Variants in ENTR1 observed in about 807,000 individuals in gnomAD.
ENTR1 encodes the protein endosome-associated-trafficking regulator 1.
In ENTR1, 47 loss-of-function variants were observed where a neutral mutation model predicts 47.9. That is an observed-to-expected ratio of 0.98 (90% CI 0.78 to 1.25). The LOEUF is 1.25. ENTR1 is among the 50% of genes most tolerant of loss of function. The pLI is 0.00. For missense variants in ENTR1, 668 were observed against 570.5 expected (o/e 1.17, Z -1.74); for synonymous variants, 290 against 245.8 (o/e 1.18, Z -1.68).
rs1364943114 is a variant in ENTR1 at position 136,405,411 on chromosome 9, A to G, written c.894-209T>C. The G allele has an allele frequency of 9.2e-6, 5 of 545,772 alleles. No individual in the cohort carries two copies. In the East Asian group the frequency reaches 1.6e-4, roughly 17 times the overall value. The allele number at this position is 545,772 out of a possible 1,614,324, so 33.8% of individuals were successfully genotyped here. On this transcript the variant is annotated intron_variant, in intron 6 of 9. Transcript: ENST00000357365. ...CGGCTCTCACAGCACTGCTGCTCCA[A>G]CAAGGTGTTTGGTGGCTTTTTGCCT...
chr9:136,406,448 AAC>A (rs1834767230), intron 5 of ENTR1, among the ~76,000 whole-genome samples: 2 of 151,480 alleles, frequency 1.3e-5, no homozygotes, highest in African/African-American at 2.4e-5. Flanking sequence ...CAGCATGAGC[AAC>A]AGAGTGAGAC....
chr9:136,405,003 G>A (rs1834694452), intron 7 of ENTR1, 88 bp downstream of exon 7: 5 of 1,040,316 alleles, frequency 4.8e-6, no homozygotes, highest in Non-Finnish European at 7.5e-6. Flanking sequence ...CCCAAGGGCA[G>A]GCTGCACCGG....
Position 136,402,033 on chromosome 9 carries a change from A to G in ENTR1, c.*755T>C, listed in dbSNP as rs563. On this transcript the variant is annotated 3_prime_UTR_variant, in exon 10 of 10. Coordinates refer to ENST00000357365, the MANE Select transcript of ENTR1 (RefSeq NM_001039707.2). ...ATAGTCAAAAAAGCATTTAGTGCTC[A>G]TCGCCGTCCCTCTGAGGGGGGCCGT... 36,405 of 152,620 alleles carry G rather than the reference A, an allele frequency of 0.24. 4,516 individuals are homozygous for G. Among genetic ancestry groups the G allele is most frequent in the Admixed American group, 0.28 (4,298 of 15,302 alleles). The allele number at this position is 152,620 out of a possible 1,614,324, so 9.5% of individuals were successfully genotyped here.
At chr9:136,409,806 G>A in intron 2 of ENTR1, 1 of 555,336 alleles carries the variant, frequency 1.8e-6, no homozygotes, top group Non-Finnish European at 3.4e-6. Flanking sequence ...CTGCCCACTA[G>A]GTGAAGGCAC....
Position 136,404,152 on chromosome 9 carries a change from A to G in ENTR1, c.1111T>C (p.Cys371Arg). 1 of 1,612,612 alleles carries G rather than the reference A, an allele frequency of 6.2e-7. No individual in the cohort carries two copies. The highest frequency in any genetic ancestry group is 8.5e-7 in the Non-Finnish European group (1 of 1,179,652). The part of the protein sequence containing the change: ...NFQRENEALR[C>R]GQGASLTVVK... ...ACGGTCAGGCTGGCACCCTGGCCGC[A>G]CCGCAGGGCTTCATTCTCTCGCTGG... Residue 371 changes from cysteine (C) to arginine (R), a missense_variant, in exon 9 of 10, where the codon TGC becomes CGC. Coordinates refer to ENST00000357365, the MANE Select transcript of ENTR1 (RefSeq NM_001039707.2).
chr9:136,404,219 A>T (rs1195490590), intron 8 of ENTR1, 25 bp from the exon 9 acceptor site: 1 of 1,587,416 alleles, frequency 6.3e-7, no homozygotes, highest in Middle Eastern at 1.7e-4. Context: ...ACGGCTAAGG[A>T]CAGAGCAGCT....
Position 136,407,307 on chromosome 9 carries a change from C to G in ENTR1, c.657G>C (p.Ser219=). ...STYLSFFSTP[S]ELAGPESLPS... is the part of the protein sequence containing the mutation. ...GCAGAGACTCAGGCCCTGCCAGCTC[C>G]GACGGGGTGGAGAAAAAGGAAAGGT... The change falls in exon 5 of 10, where the codon TCG becomes TCC. Residue 219 remains serine (S), a synonymous_variant. Transcript: ENST00000357365. The G allele has an allele frequency of 6.2e-7, 1 of 1,611,846 alleles. No individual in the cohort carries two copies. Among genetic ancestry groups the G allele is most frequent in the South Asian group, 1.1e-5 (1 of 90,920 alleles).
chr9:136,402,945 T>C (rs990424873), intron 9 of ENTR1, 58 bp from the exon 10 acceptor site: 74 of 1,328,166 alleles, frequency 5.6e-5, no homozygotes, highest in Admixed American at 7.2e-5. Context: ...AGCAACAGGG[T>C]TCTGGGGGGA....
rs1428740752 is a variant in ENTR1, at chr9:136,410,251, G to C, written c.71-12C>G. ...ATAGAACGCTGGAGCTGGAAGCAAC[G>C]ACAACAGCGACTTTACTGCGTGCCG... is the stretch of plus-strand genomic sequence containing the variant. On this transcript the variant is annotated splice_polypyrimidine_tract_variant and intron_variant, in intron 1 of 9. Coordinates refer to ENST00000357365, the MANE Select transcript of ENTR1 (RefSeq NM_001039707.2). The C allele has an allele frequency of 1.3e-6, 2 of 1,564,000 alleles. No homozygotes were observed. The highest frequency in any genetic ancestry group is 2.4e-5 in the East Asian group (1 of 42,104).
At chr9:136,407,985 T>C (rs1564411515) in intron 3 of ENTR1, 47 bp from the exon 4 acceptor site, 1 of 1,270,564 alleles carries the variant, frequency 7.9e-7, no homozygotes, top group Admixed American at 1.7e-5. Flanking sequence ...TGAAGAGCGT[T>C]GAAAGGGAAC....
At position 136,407,886 on chromosome 9, in the gene ENTR1, A is replaced by G; in HGVS notation, c.342T>C (p.Phe114=). 6.2e-7 allele frequency: 1 copy of G among 1,613,606 alleles called. No homozygotes were observed. The highest frequency in any genetic ancestry group is 8.5e-7 in the Non-Finnish European group (1 of 1,179,550). The change falls in exon 4 of 10, where the codon TTT becomes TTC. Residue 114 remains phenylalanine, a synonymous_variant. Transcript: ENST00000357365. Reference sequence around the variant, plus strand: ...AGAGGCCGAGGTTCTTGGTCTTCAGAAACTCTCTAAAAGAGAATGGATTTG... The same window carrying G: ...AGAGGCCGAGGTTCTTGGTCTTCAGGAACTCTCTAAAAGAGAATGGATTTG... ...EEANPFSFRE[F]LKTKNLGLSK...
intron 6 of ENTR1, 88 bp downstream of exon 6, chr9:136,405,817 G>T: frequency 2.6e-6 from 2 of 760,442 alleles, no homozygotes; most frequent in African/African-American, 1.8e-5. Context: ...GATCTGGTTT[G>T]ACTCTGATTA....
chr9:136,410,273 G>A (rs1564415363), intron 1 of ENTR1, 34 bp from the exon 2 acceptor site: 1 of 1,553,110 alleles, frequency 6.4e-7, no homozygotes, highest in Non-Finnish European at 8.7e-7. Flanking sequence ...TTTACTGCGT[G>A]CCGGGGCGGC....
intron 3 of ENTR1, 46 bp from the exon 4 acceptor site, chr9:136,407,984 T>C (rs370333399): frequency 7.8e-7 from 1 of 1,279,984 alleles, no homozygotes; most frequent in South Asian, 1.2e-5. Flanking sequence ...CTGAAGAGCG[T>C]TGAAAGGGAA....
rs1834803221 is a variant in ENTR1, at chr9:136,407,143, A to G, written c.819+2T>C. 1 of 1,586,126 alleles carries G rather than the reference A, an allele frequency of 6.3e-7. No individual in the cohort carries two copies. The highest frequency in any genetic ancestry group is 8.6e-7 in the Non-Finnish European group (1 of 1,161,744). On this transcript the variant is annotated splice_donor_variant, in intron 5 of 9. Transcript: ENST00000357365. LOFTEE classifies it high-confidence loss of function. Reference sequence around the variant, plus strand: ...CCAGAGGGCGCCGTGAGGCTCACTTACTGCGTCGTAACTTATCTGCAGCGT... The same window carrying G: ...CCAGAGGGCGCCGTGAGGCTCACTTGCTGCGTCGTAACTTATCTGCAGCGT...
chr9:136,410,383 C>G lies in ENTR1; in HGVS notation c.15G>C (p.Gln5His), dbSNP rs924546577. The G allele has an allele frequency of 7.0e-7, 1 of 1,418,894 alleles. No individual in the cohort carries two copies. The highest frequency in any genetic ancestry group is 3.0e-5 in the East Asian group (1 of 33,826). The allele number at this position is 1,418,894 out of a possible 1,614,324, so 87.9% of individuals were successfully genotyped here. A position where few individuals can be genotyped will look rare whatever the true frequency, so the allele number is the denominator to read the frequency against. Residue 5 changes from glutamine to histidine, a missense_variant, in exon 1 of 10, where the codon CAG (glutamine) becomes CAC (histidine). Coordinates refer to ENST00000357365, the MANE Select transcript of ENTR1 (RefSeq NM_001039707.2). ...ACAGCGGGGTGGCGCCCGGGCGGCG[C>G]TGGTAGCCCGACATCGCCGCCGGCC... MSGY[Q>H]RRPGATPLSR... is the part of the protein sequence containing the mutation.
rs374070653 is a variant in ENTR1 at position 136,404,716 on chromosome 9, C to G, written c.1006-23G>C. 1.9e-6 allele frequency: 3 copies of G among 1,612,936 alleles called. No homozygotes were observed. In the African/African-American group the frequency reaches 4.0e-5, roughly 22 times the overall value. Reference sequence around the variant, plus strand: ...TTTCTGTTACCCAAAAAAGAAAAACCACAAAAAGCATCACTGATGTCCTCA... The same window carrying G: ...TTTCTGTTACCCAAAAAAGAAAAACGACAAAAAGCATCACTGATGTCCTCA... On this transcript the variant is annotated intron_variant, in intron 7 of 9. Transcript: ENST00000357365.
In ENTR1 at chr9:136,404,137, T is replaced by C. The variant is rs554926571; in HGVS notation, c.1126A>G (p.Ser376Gly). The change falls in exon 9 of 10, where the codon AGC becomes GGC. Residue 376 changes from serine to glycine, a missense_variant. By Grantham distance (56) the Ser-to-Gly change is moderately conservative (BLOSUM62 0). Coordinates refer to ENST00000357365, the MANE Select transcript of ENTR1 (RefSeq NM_001039707.2). ...GCGTTCTGCTTCACCACGGTCAGGCTGGCACCCTGGCCGCACCGCAGGGCT... is the reference window on the plus strand; with the variant it reads ...GCGTTCTGCTTCACCACGGTCAGGCCGGCACCCTGGCCGCACCGCAGGGCT... ...NEALRCGQGA[S>G]LTVVKQNADV... The C allele has an allele frequency of 1.9e-5, 30 of 1,613,336 alleles. No homozygotes were observed. In the African/African-American group the frequency reaches 2.9e-4, roughly 16 times the overall value.
chr9:136,408,402 C>A (rs1296227471), intron 3 of ENTR1, among the ~76,000 whole-genome samples: 3 of 151,932 alleles, frequency 2.0e-5, no homozygotes, highest in Non-Finnish European at 4.4e-5. Context: ...CACGGTGAAA[C>A]CTCATCTCTA....
Sources: gnomAD v4.1 joint callset for allele counts (sites outside exome capture counted in the v4.1 genomes callset) on GRCh38, gnomAD v4.1.1 for gene constraint, MANE v1.5 for transcripts, NCBI Gene and HGNC (gene_info 2026-07-23, HGNC 2026-07-21) for gene names.